OR1J2: variants seen among roughly 807,000 people sequenced by gnomAD.
OR1J2 encodes the protein olfactory receptor family 1 subfamily J member 2.
For missense variants in OR1J2, 304 were observed against 246.1 expected (o/e 1.24, Z -1.57); for synonymous variants, 142 against 99.7 (o/e 1.42, Z -2.52).
chr9:122,504,918 A>G, the OR1J2 span, among the ~76,000 whole-genome samples: 3 of 152,038 alleles, frequency 2.0e-5, no homozygotes, highest in Non-Finnish European at 4.4e-5. Flanking sequence ...TCCTTCCCAG[A>G]GCATCCAGTT....
downstream of OR1J2, among the ~76,000 whole-genome samples, chr9:122,514,994 C>CG (rs1167434254): frequency 6.6e-6 from 1 of 152,158 alleles, no homozygotes; most frequent in Non-Finnish European, 1.5e-5. Flanking sequence ...AGTTTAGAGA[C>CG]CACTGCCCGA....
chr9:122,527,851 A>G, the OR1J2 span, among the ~76,000 whole-genome samples: 4 of 152,238 alleles, frequency 2.6e-5, no homozygotes, highest in African/African-American at 9.6e-5. Context: ...CGCATATTAC[A>G]TGTTAGCCAC....
At chr9:122,479,307 T>C in the OR1J2 span, among the ~76,000 whole-genome samples, 1 of 152,164 alleles carries the variant, frequency 6.6e-6, no homozygotes, top group East Asian at 1.9e-4. Context: ...TTCCCCAGGA[T>C]GGCTTTCAAA....
chr9:122,529,859 A>G, the OR1J2 span, among the ~76,000 whole-genome samples: 1 of 152,148 alleles, frequency 6.6e-6, no homozygotes, highest in African/African-American at 2.4e-5. Flanking sequence ...GGACATGCCC[A>G]CCTGCGACTG....
At chr9:122,492,256 G>A in the OR1J2 span, among the ~76,000 whole-genome samples, 1 of 152,126 alleles carries the variant, frequency 6.6e-6, no homozygotes, top group Admixed American at 6.5e-5. Flanking sequence ...GTGGTATTTG[G>A]TTTTCTTTTC....
At chr9:122,527,881 C>T in the OR1J2 span, among the ~76,000 whole-genome samples, 14 of 152,314 alleles carry the variant, frequency 9.2e-5, no homozygotes, top group Admixed American at 9.2e-4. Flanking sequence ...AGGTACTCTA[C>T]TAAGTACTTT....
At chr9:122,465,543 G>C in the OR1J2 span, among the ~76,000 whole-genome samples, 26,062 of 152,064 alleles carry the variant, frequency 0.17, 2,832 homozygotes, top group East Asian at 0.35. Context: ...TGGTCATACT[G>C]GGGGGCATTT....
At chr9:122,494,678 A>G in the OR1J2 span, among the ~76,000 whole-genome samples, 1 of 152,286 alleles carries the variant, frequency 6.6e-6, no homozygotes, top group South Asian at 2.1e-4. Context: ...GGCCATTTAC[A>G]TTCAATGTTA....
the OR1J2 span, among the ~76,000 whole-genome samples, chr9:122,520,752 G>A: frequency 1.3e-5 from 2 of 152,182 alleles, no homozygotes; most frequent in African/African-American, 4.8e-5. Context: ...TTCTGTTGCC[G>A]TCACTAAATT....
chr9:122,486,026 T>C, the OR1J2 span, among the ~76,000 whole-genome samples: 1 of 149,520 alleles, frequency 6.7e-6, no homozygotes, highest in Non-Finnish European at 1.5e-5. Flanking sequence ...AGTGGAACCA[T>C]CTCGACTCAC....
upstream of OR1J2, among the ~76,000 whole-genome samples, chr9:122,507,151 A>G (rs1194040209): frequency 1.3e-5 from 2 of 152,182 alleles, no homozygotes; most frequent in African/African-American, 4.8e-5. Flanking sequence ...TGTGCCTTAT[A>G]AGGACAAACG....
At chr9:122,549,182 C>G in the OR1J2 span, among the ~76,000 whole-genome samples, 1 of 151,988 alleles carries the variant, frequency 6.6e-6, no homozygotes, top group Non-Finnish European at 1.5e-5. Context: ...TTGGTGCTCT[C>G]CCCGCAGTAA....
At chr9:122,527,189 G>A in the OR1J2 span, 8 of 1,614,096 alleles carry the variant, frequency 5.0e-6, no homozygotes, top group Non-Finnish European at 6.8e-6. Context: ...CAGTCAAGGT[G>A]ACAAGATACA....
At chr9:122,544,677 C>T in the OR1J2 span, among the ~76,000 whole-genome samples, 2 of 152,176 alleles carry the variant, frequency 1.3e-5, no homozygotes, top group Admixed American at 1.3e-4. Flanking sequence ...CCTCGGCCTC[C>T]CAAAGCAAAA....
chr9:122,451,248 C>T, the OR1J2 span, among the ~76,000 whole-genome samples: 5,628 of 150,970 alleles, frequency 0.037, 341 homozygotes, highest in African/African-American at 0.13. Context: ...TGCAATGGCG[C>T]GATCTCAGCT....
At chr9:122,554,328 G>A in the OR1J2 span, 8 of 594,096 alleles carry the variant, frequency 1.3e-5, no homozygotes, top group East Asian at 2.9e-5. Context: ...TTATTAGGCT[G>A]TGGAATGAGA....
At chr9:122,454,428 G>A in the OR1J2 span, among the ~76,000 whole-genome samples, 3 of 152,060 alleles carry the variant, frequency 2.0e-5, no homozygotes, top group Admixed American at 1.3e-4. Flanking sequence ...TGAGATATGA[G>A]AATTGCTTGA....
rs758568087 is a variant in OR1J2 at position 122,511,378 on chromosome 9, T to G, written c.577T>G (p.Phe193Val). Residue 193 changes from phenylalanine to valine, a missense_variant, in exon 1 of 1, where the codon TTC (phenylalanine) becomes GTC (valine). Coordinates refer to ENST00000335302, the MANE Select transcript of OR1J2 (RefSeq NM_054107.1). ...ALLKLSCSDIFLNELVMFTVG... is the reference protein window; with the variant it reads ...ALLKLSCSDIVLNELVMFTVG... ...GCTCAAGCTGTCCTGCTCAGATATC[T>G]TCCTCAATGAGCTGGTCATGTTCAC... is the stretch of plus-strand genomic sequence containing the variant. The G allele has an allele frequency of 1.3e-6, 1 of 745,514 alleles. No individual in the cohort carries two copies. The highest frequency in any genetic ancestry group is 1.7e-5 in the African/African-American group (1 of 58,326). The allele number at this position is 745,514 out of a possible 1,614,324, so 46.2% of individuals were successfully genotyped here.
chr9:122,522,583 ATGTGTGTG>A, the OR1J2 span, among the ~76,000 whole-genome samples: 64 of 150,852 alleles, frequency 4.2e-4, no homozygotes, highest in African/African-American at 1.5e-3. Flanking sequence ...AACTGTGTGC[ATGTGTGTG>A]TGTGTGTGTG....
Sources: gnomAD v4.1 joint callset for allele counts (sites outside exome capture counted in the v4.1 genomes callset) on GRCh38, gnomAD v4.1.1 for gene constraint, MANE v1.5 for transcripts, NCBI Gene and HGNC (gene_info 2026-07-23, HGNC 2026-07-21) for gene names.